FOXN2: variants seen among roughly 807,000 people sequenced by gnomAD.
FOXN2 encodes the protein forkhead box N2.
In FOXN2, 19 loss-of-function variants were observed where a neutral mutation model predicts 41.2. That is an observed-to-expected ratio of 0.46 (90% CI 0.32 to 0.68). The LOEUF is 0.68. Among genes scored for constraint, FOXN2 ranks in the 30% least tolerant of loss-of-function variants. The pLI is 0.03. For missense variants in FOXN2, 587 were observed against 509.4 expected, an observed-to-expected ratio of 1.15 and a Z score of -1.47; for synonymous variants, 195 against 176.8, an observed-to-expected ratio of 1.10 and a Z score of -0.82.
chr2:48,320,303 T>A, intron 1 of FOXN2, among the ~76,000 whole-genome samples: 1 of 151,046 alleles, frequency 6.6e-6, no homozygotes, highest in Middle Eastern at 3.4e-3. Context: ...ATTTTTTTTT[T>A]ATTTTGAGAT....
chr2:48,328,404 T>A (rs952364963), intron 1 of FOXN2, among the ~76,000 whole-genome samples, 157 bp from the exon 2 acceptor site: 2 of 152,186 alleles, frequency 1.3e-5, no homozygotes, highest in Non-Finnish European at 2.9e-5. Flanking sequence ...GTACTTTAAG[T>A]CTCTAGATTA....
At chr2:48,337,521 G>C (rs577212767) in intron 2 of FOXN2, among the ~76,000 whole-genome samples, 25 of 151,886 alleles carry the variant, frequency 1.6e-4, no homozygotes, top group Non-Finnish European at 2.6e-4. Flanking sequence ...GGCCAGGCTG[G>C]TTTTGAACTC....
chr2:48,322,502 T>TGCTCAC (rs1427886688), intron 1 of FOXN2, among the ~76,000 whole-genome samples: 7 of 152,196 alleles, frequency 4.6e-5, no homozygotes, highest in African/African-American at 7.2e-5. Flanking sequence ...TTCTTGCTCA[T>TGCTCAC]GCTCACGCTC....
At chr2:48,322,199 C>T (rs552954492) in intron 1 of FOXN2, among the ~76,000 whole-genome samples, 18 of 152,236 alleles carry the variant, frequency 1.2e-4, no homozygotes, top group Non-Finnish European at 2.4e-4. Flanking sequence ...CTGCCTGCCC[C>T]GGTCTCCCAA....
chr2:48,324,127 A>G (rs950349673), intron 1 of FOXN2, among the ~76,000 whole-genome samples: 4 of 152,178 alleles, frequency 2.6e-5, no homozygotes, highest in Admixed American at 6.5e-5. Flanking sequence ...TGAAAAGGTC[A>G]CAAAGTAGAA....
At chr2:48,349,309 A>G (rs1411426933) in intron 3 of FOXN2, among the ~76,000 whole-genome samples, 1 of 152,032 alleles carries the variant, frequency 6.6e-6, no homozygotes, top group East Asian at 1.9e-4. Flanking sequence ...AACATGGCAA[A>G]ACCCTGTCTC....
intron 2 of FOXN2, chr2:48,340,879 G>C (rs1157792997): frequency 6.6e-6 from 1 of 152,022 alleles, no homozygotes; most frequent in African/African-American, 2.4e-5. Context: ...TTCTTTTTTA[G>C]AATGTAGAAG....
intron 1 of FOXN2, among the ~76,000 whole-genome samples, chr2:48,316,025 A>G (rs1369447033): frequency 6.6e-6 from 1 of 152,040 alleles, no homozygotes; most frequent in Non-Finnish European, 1.5e-5. Flanking sequence ...TGTGACAGCC[A>G]CGTGGCCGGC....
chr2:48,361,026 A>C (rs1032452279), intron 4 of FOXN2, among the ~76,000 whole-genome samples: 4 of 152,054 alleles, frequency 2.6e-5, no homozygotes, highest in African/African-American at 9.6e-5. Context: ...AAAAAAAAAA[A>C]AGATTATATG....
At chr2:48,316,348 T>A (rs1050102953) in intron 1 of FOXN2, among the ~76,000 whole-genome samples, 1 of 152,170 alleles carries the variant, frequency 6.6e-6, no homozygotes, top group African/African-American at 2.4e-5. Context: ...TTGCCAACTT[T>A]GGGAAAAAAT....
At chr2:48,314,384 G>C (rs534363860), upstream of FOXN2, among the ~76,000 whole-genome samples, 1 of 152,324 alleles carries the variant, frequency 6.6e-6, no homozygotes, top group East Asian at 1.9e-4. Flanking sequence ...AACCCGCACC[G>C]GCCTACAGCG....
intron 1 of FOXN2, among the ~76,000 whole-genome samples, chr2:48,327,549 G>C (rs901111913): frequency 6.6e-6 from 1 of 152,078 alleles, no homozygotes; most frequent in Admixed American, 6.6e-5. Flanking sequence ...GGGTTCAAGG[G>C]ATTCTCCTGC....
At chr2:48,351,534 G>C (rs1362007789) in intron 3 of FOXN2, among the ~76,000 whole-genome samples, 3 of 152,140 alleles carry the variant, frequency 2.0e-5, no homozygotes, top group Non-Finnish European at 1.5e-5. Context: ...CAGTTTTTCT[G>C]CTACCTGAGG....
rs773885405 is a variant in FOXN2 at position 48,375,415 on chromosome 2, C to T, written c.1268C>T (p.Thr423Ile). 5 of 1,607,144 alleles carry T rather than the reference C, an allele frequency of 3.1e-6. No individual in the cohort carries two copies. In the South Asian group the frequency reaches 5.5e-5, roughly 18 times the overall value. The change falls in exon 7 of 7, where the codon ACA (threonine) becomes ATA (isoleucine). Residue 423 changes from threonine to isoleucine, a missense_variant. Physicochemically the swap from Thr to Ile is moderately conservative, Grantham distance 89. Transcript: ENST00000340553. ...CLGSLISTAK[T>I]QNQKQRKK ...GGTTCCCTAATAAGTACTGCAAAGA[C>T]ACAAAATCAAAAGCAACGGAAAAAA... is the stretch of plus-strand genomic sequence containing the variant.
intron 3 of FOXN2, among the ~76,000 whole-genome samples, chr2:48,353,909 C>G (rs1671626070): frequency 6.6e-6 from 1 of 151,858 alleles, no homozygotes; most frequent in African/African-American, 2.4e-5. Context: ...TAAATTTACC[C>G]TTATAGTTAA....
At chr2:48,355,416 G>C (rs1374514137) in intron 3 of FOXN2, among the ~76,000 whole-genome samples, 1 of 152,150 alleles carries the variant, frequency 6.6e-6, no homozygotes, top group South Asian at 2.1e-4. Flanking sequence ...ATAAAAATTA[G>C]CAAGCTATCA....
chr2:48,372,062 CTA>C (rs1400625382), intron 5 of FOXN2, among the ~76,000 whole-genome samples: 3 of 152,290 alleles, frequency 2.0e-5, no homozygotes, highest in Admixed American at 2.0e-4. Context: ...GCTTCCAGTA[CTA>C]TGTTGACTAA....
chr2:48,326,396 A>T (rs2104163425), intron 1 of FOXN2, among the ~76,000 whole-genome samples: 1 of 152,326 alleles, frequency 6.6e-6, no homozygotes, highest in Non-Finnish European at 1.5e-5. Context: ...AAGGATTTTG[A>T]CCTAAGGGTC....
At chr2:48,334,712 A>G (rs1029251705) in intron 2 of FOXN2, among the ~76,000 whole-genome samples, 5 of 152,216 alleles carry the variant, frequency 3.3e-5, no homozygotes, top group African/African-American at 1.2e-4. Context: ...TGTGGGGCTC[A>G]GGGATCAGGA....
Sources: gnomAD v4.1 joint callset for allele counts (sites outside exome capture counted in the v4.1 genomes callset) on GRCh38, gnomAD v4.1.1 for gene constraint, MANE v1.5 for transcripts, NCBI Gene and HGNC (gene_info 2026-07-23, HGNC 2026-07-21) for gene names.